Variants in SULT4A1 observed in about 807,000 individuals in gnomAD.
The protein encoded by SULT4A1 is sulfotransferase 4A1.
In SULT4A1, 11 loss-of-function variants were observed where a neutral mutation model predicts 35.2. The ratio of observed to expected loss-of-function variants is 0.31; its 90% confidence interval spans 0.20 to 0.52. The LOEUF is 0.52. Among genes scored for constraint, SULT4A1 ranks in the 20% least tolerant of loss-of-function variants. The pLI, the probability that SULT4A1 is intolerant of heterozygous loss-of-function variation, is 0.97. For missense variants in SULT4A1, 271 were observed against 383.7 expected (o/e 0.71, Z 2.45); for synonymous variants, 152 against 151.8 (o/e 1.00, Z -0.01).
chr22:43,846,117 C>G (rs1036343197), intron 1 of SULT4A1, among the ~76,000 whole-genome samples: 1 of 152,200 alleles, frequency 6.6e-6, no homozygotes, highest in Non-Finnish European at 1.5e-5. Flanking sequence ...TCCACTCCCT[C>G]ACCACCTGGC....
chr22:43,841,872 A>G lies in SULT4A1; in HGVS notation c.230T>C (p.Ile77Thr), dbSNP rs2063432883. The change falls in exon 2 of 7, where the codon ATC becomes ACC. Residue 77 changes from isoleucine to threonine, a missense_variant. Transcript: ENST00000330884. ...CTGCTCGTCGATGTTCATCAAGCCG[A>G]TCTCATCGGGGTCAGCGCCCTGGCT... Reference protein sequence around the residue: ...LVSQGADPDEIGLMNIDEQLP... With the variant: ...LVSQGADPDETGLMNIDEQLP... 6.2e-7 allele frequency: 1 copy of G among 1,613,992 alleles called. No homozygotes were observed. The highest frequency in any genetic ancestry group is 8.5e-7 in the Non-Finnish European group (1 of 1,179,926).
In SULT4A1 at chr22:43,862,459, G is replaced by GCCCGCACCCCGCA. The variant is rs1202251459; in HGVS notation, c.-78_-77insTGCGGGGTGCGGG. The GCCCGCACCCCGCA allele has an allele frequency of 1.4e-5, 12 of 829,944 alleles. 1 individual carries two copies. Among genetic ancestry groups the GCCCGCACCCCGCA allele is most frequent in the African/African-American group, 1.8e-5 (1 of 54,270 alleles). The allele number at this position is 829,944 out of a possible 1,614,324, so 51.4% of individuals were successfully genotyped here. ...CGCCCGCGCCCGCGCCCGCGCCCGCGCCCCGCACACGCTCGCGCCCCACCG... is the reference window on the plus strand; with the variant it reads ...CGCCCGCGCCCGCGCCCGCGCCCGCGCCCGCACCCCGCACCCCGCACACGCTCGCGCCCCACCG... On this transcript the variant is annotated 5_prime_UTR_variant, in exon 1 of 7. Coordinates refer to ENST00000330884, the MANE Select transcript of SULT4A1 (RefSeq NM_014351.4).
chr22:43,827,418 G>T, intron 6 of SULT4A1: 2 of 1,187,682 alleles, frequency 1.7e-6, no homozygotes, highest in Non-Finnish European at 2.1e-6. Flanking sequence ...GATACCTAAG[G>T]GGCAAAATTA....
In SULT4A1 at chr22:43,841,607, C is replaced by T. The variant is rs543365364; in HGVS notation, c.300+195G>A. 2.0e-5 allele frequency among the ~76,000 whole-genome samples: 3 copies of T among 152,282 alleles called. No homozygotes were observed. In the South Asian group the frequency reaches 6.2e-4, roughly 32 times the overall value. Reference sequence around the variant, plus strand: ...TTTCCACTTCACAGACTCCCTGACGCTGATGTGTCACCCACGCCCTCATCG... The same window carrying T: ...TTTCCACTTCACAGACTCCCTGACGTTGATGTGTCACCCACGCCCTCATCG... On this transcript the variant is annotated intron_variant, in intron 2 of 6. Coordinates refer to ENST00000330884, the MANE Select transcript of SULT4A1 (RefSeq NM_014351.4).
chr22:43,825,437 C>T lies in SULT4A1; in HGVS notation c.*564G>A, dbSNP rs955866823. 2 of 152,322 alleles carry T rather than the reference C, an allele frequency of 1.3e-5. No individual in the cohort carries two copies. The highest frequency in any genetic ancestry group is 2.4e-5 in the African/African-American group (1 of 41,424). 9.4% of individuals were successfully genotyped at this position (152,322 alleles called of 1,614,324 possible). On this transcript the variant is annotated 3_prime_UTR_variant, in exon 7 of 7. Coordinates refer to ENST00000330884, the MANE Select transcript of SULT4A1 (RefSeq NM_014351.4). ...AGGAAGGTTCTGAAGAAGTGAACTC[C>T]GTCAGAATAAACAAGTGTCCAGATT...
intron 1 of SULT4A1, 73 bp downstream of exon 1, chr22:43,862,141 G>T: frequency 8.3e-7 from 1 of 1,204,240 alleles, no homozygotes; most frequent in Non-Finnish European, 1.0e-6. Flanking sequence ...CCCCGGGCGC[G>T]GGCGCGGCGT....
chr22:43,862,501 CCG>C lies in SULT4A1; in HGVS notation c.-121_-120del. On this transcript the variant is annotated 5_prime_UTR_variant, in exon 1 of 7. Coordinates refer to ENST00000330884, the MANE Select transcript of SULT4A1 (RefSeq NM_014351.4). ...GCCCCACCGGCGCGCGGCGGCAGCT[CCG>C]CAGGCGTGACGTCATGGCGCCGCCG... The C allele has an allele frequency of 2.2e-6, 2 of 923,198 alleles. No homozygotes were observed. Among genetic ancestry groups the C allele is most frequent in the Non-Finnish European group, 2.6e-6 (2 of 776,142 alleles). The allele number at this position is 923,198 out of a possible 1,614,324, so 57.2% of individuals were successfully genotyped here.
chr22:43,851,827 C>T (rs912347581), intron 1 of SULT4A1, among the ~76,000 whole-genome samples: 2 of 152,210 alleles, frequency 1.3e-5, no homozygotes, highest in African/African-American at 4.8e-5. Flanking sequence ...GTTTCCATCC[C>T]CAGTGTCATG....
intron 1 of SULT4A1, among the ~76,000 whole-genome samples, chr22:43,855,110 C>T (rs866778222): frequency 1.3e-5 from 2 of 152,198 alleles, no homozygotes; most frequent in Admixed American, 6.5e-5. Context: ...GACGATGGTG[C>T]GGACAGTCAC....
intron 5 of SULT4A1, 36 bp downstream of exon 5, chr22:43,833,604 G>T: frequency 6.5e-7 from 1 of 1,547,658 alleles, no homozygotes; most frequent in South Asian, 1.2e-5. Flanking sequence ...CCGAGGGCCA[G>T]GGCACCCGGA....
chr22:43,861,879 C>T (rs1356548129), intron 1 of SULT4A1, among the ~76,000 whole-genome samples: 1 of 152,222 alleles, frequency 6.6e-6, no homozygotes, highest in Non-Finnish European at 1.5e-5. Context: ...GTCACACAGC[C>T]AGCCAGGTAA....
At chr22:43,844,902 G>A (rs575364416) in intron 1 of SULT4A1, among the ~76,000 whole-genome samples, 2 of 152,318 alleles carry the variant, frequency 1.3e-5, no homozygotes, top group East Asian at 3.9e-4. Context: ...GCCCCGCCTG[G>A]ACCACACATG....
chr22:43,857,043 G>C (rs1415556044), intron 1 of SULT4A1, among the ~76,000 whole-genome samples: 1 of 152,104 alleles, frequency 6.6e-6, no homozygotes, highest in East Asian at 1.9e-4. Flanking sequence ...GGTTCCCAAG[G>C]AAAAGATGGA....
In SULT4A1 at chr22:43,862,418, G is replaced by C; in HGVS notation, c.-36C>G. On this transcript the variant is annotated 5_prime_UTR_variant, in exon 1 of 7. Coordinates refer to ENST00000330884, the MANE Select transcript of SULT4A1 (RefSeq NM_014351.4). The stretch of plus-strand genomic sequence containing the variant: ...TCGCCGTCGCCGCCGCCGCCTCCCG[G>C]CTCGCAGCCCGCACGCGCCCGCGCC... The C allele has an allele frequency of 9.2e-7, 1 of 1,085,020 alleles. No homozygotes were observed. The highest frequency in any genetic ancestry group is 1.1e-6 in the Non-Finnish European group (1 of 890,726). The allele number at this position is 1,085,020 out of a possible 1,614,324, so 67.2% of individuals were successfully genotyped here. A position where few individuals can be genotyped will look rare whatever the true frequency, so the allele number is the denominator to read the frequency against.
chr22:43,844,263 C>G (rs1353078619), intron 1 of SULT4A1, among the ~76,000 whole-genome samples: 4 of 152,226 alleles, frequency 2.6e-5, no homozygotes, highest in Admixed American at 6.5e-5. Flanking sequence ...ACCTCCTCTC[C>G]TAAGACTGTG....
chr22:43,862,208 G>A lies in SULT4A1; in HGVS notation c.169+6C>T. On this transcript the variant is annotated splice_donor_region_variant and intron_variant, in intron 1 of 6. Transcript: ENST00000330884. ...GCGTGGCGGGCGCGGTCGGCGCGGG[G>A]CTCACCGGACTTGGGGTAGGTGACG... 1.9e-6 allele frequency: 3 copies of A among 1,539,524 alleles called. No individual in the cohort carries two copies. The highest frequency in any genetic ancestry group is 2.6e-6 in the Non-Finnish European group (3 of 1,143,236).
chr22:43,860,298 C>T (rs2049451088), intron 1 of SULT4A1, among the ~76,000 whole-genome samples: 1 of 139,586 alleles, frequency 7.2e-6, no homozygotes, highest in African/African-American at 2.7e-5. Flanking sequence ...AGACTGAGAG[C>T]TCACTAAGGA....
chr22:43,850,975 T>C (rs2063506770), intron 1 of SULT4A1, among the ~76,000 whole-genome samples: 1 of 152,174 alleles, frequency 6.6e-6, no homozygotes, highest in African/African-American at 2.4e-5. Context: ...GTGTCTTTTA[T>C]TGAGCTCTGA....
At chr22:43,854,818 C>T (rs941936765) in intron 1 of SULT4A1, among the ~76,000 whole-genome samples, 1 of 152,212 alleles carries the variant, frequency 6.6e-6, no homozygotes, top group Non-Finnish European at 1.5e-5. Flanking sequence ...CTGGCTTCTT[C>T]CCCCCTTGCC....
Sources: allele counts gnomAD v4.1 joint callset (sites outside exome capture counted in the v4.1 genomes callset), GRCh38; gene constraint gnomAD v4.1.1; transcripts MANE v1.5; gene names NCBI Gene and HGNC (gene_info 2026-07-23, HGNC 2026-07-21).